Variants in BRCA1 observed in about 807,000 individuals in gnomAD.
BRCA1 encodes BRCA1 DNA repair associated, also known as breast cancer type 1 susceptibility protein.
In BRCA1, 140 loss-of-function variants were observed where a neutral mutation model predicts 173.7. The ratio of observed to expected loss-of-function variants is 0.81; its 90% CI spans 0.70 to 0.93. The LOEUF (loss-of-function observed/expected upper bound fraction) is 0.93. Among genes scored for constraint, BRCA1 ranks in the 40% least tolerant of loss-of-function variants. The pLI, the probability that BRCA1 is intolerant of heterozygous loss-of-function variation, is 0.00. For missense variants in BRCA1, 1,983 were observed against 2,172.5 expected, an observed-to-expected ratio of 0.91 and a Z score of 1.73; for synonymous variants, 662 against 756.0, an observed-to-expected ratio of 0.88 and a Z score of 2.04.
chr17:43,056,676 A>G (rs1157299360), intron 19 of BRCA1, among the ~76,000 whole-genome samples: 1 of 126,416 alleles, frequency 7.9e-6, no homozygotes, highest in Non-Finnish European at 1.8e-5. Flanking sequence ...CCGTCTTGGG[A>G]AAAAAAAAAA....
chr17:43,091,923 C>T lies in BRCA1; in HGVS notation c.3608G>A (p.Arg1203Gln), dbSNP rs55930959. 107 of 1,614,022 alleles carry T rather than the reference C, an allele frequency of 6.6e-5. No homozygotes were observed. Among genetic ancestry groups the T allele is most frequent in the Non-Finnish European group, 7.3e-5 (86 of 1,180,026 alleles). Reference sequence around the variant, plus strand: ...GGACTCTAATTTCTTGGCCCCTCTTCGGTAACCCTGAGCCAAATGTGTATG... The same window carrying T: ...GGACTCTAATTTCTTGGCCCCTCTTTGGTAACCCTGAGCCAAATGTGTATG... ...FTHTHLAQGY[R>Q]RGAKKLESSE... The change falls in exon 10 of 23, where the codon CGA (arginine) becomes CAA (glutamine). Residue 1203 changes from arginine (R) to glutamine (Q), a missense_variant. By Grantham distance (43) the Arg-to-Gln change is conservative (BLOSUM62 1). Coordinates refer to ENST00000357654, the MANE Select transcript of BRCA1 (RefSeq NM_007294.4).
intron 3 of BRCA1, among the ~76,000 whole-genome samples, chr17:43,106,777 TATG>T (rs2054810709): frequency 6.6e-6 from 1 of 152,212 alleles, no homozygotes; most frequent in African/African-American, 2.4e-5. Flanking sequence ...GGCTTACTGT[TATG>T]ATCACATAAA....
At chr17:43,067,273 T>TTTTA in intron 16 of BRCA1, 6 of 176,734 alleles carry the variant, frequency 3.4e-5, no homozygotes, top group South Asian at 1.4e-4. Flanking sequence ...TTTTTTTTTT[T>TTTTA]GAGACGGAGC....
At chr17:43,058,833 T>C (rs2051622529) in intron 18 of BRCA1, among the ~76,000 whole-genome samples, 1 of 152,302 alleles carries the variant, frequency 6.6e-6, no homozygotes, top group African/African-American at 2.4e-5. Flanking sequence ...TAATTACTAT[T>C]ATGACTGGTC....
chr17:43,052,286 C>CT (rs1304976929), intron 19 of BRCA1, among the ~76,000 whole-genome samples: 16 of 151,282 alleles, frequency 1.1e-4, no homozygotes, highest in Admixed American at 2.0e-4. Flanking sequence ...TAATTTTTTT[C>CT]TTTTTTTTTG....
chr17:43,100,622 TATATATATGTTATATATATATAAC>T (rs2054377321), intron 6 of BRCA1, among the ~76,000 whole-genome samples: 19 of 6,772 alleles, frequency 2.8e-3, no homozygotes, highest in Non-Finnish European at 0.01. Flanking sequence ...ATATATAACA[TATATATATGTTATATATATATAAC>T]ATATATATAA....
rs1376880906 is a variant in BRCA1, at chr17:43,142,898, C to A, written c.-19-18783G>T. Among the ~76,000 whole-genome samples, 3 of 150,856 alleles carry A rather than the reference C, an allele frequency of 2.0e-5. 1 individual carries two copies. On this transcript the variant is annotated intron_variant, in intron 1 of 7. Coordinates refer to the BRCA1 transcript ENST00000634433. The stretch of plus-strand genomic sequence containing the variant: ...AGCTGGGATTACAGGCATGTGCCAC[C>A]ATGCCCGGCTAATTTTTGTGTGTGT...
chr17:43,091,398 A>G (rs2154263629), intron 10 of BRCA1, 37 bp downstream of exon 10: 2 of 1,611,954 alleles, frequency 1.2e-6, no homozygotes, highest in Non-Finnish European at 1.7e-6. Flanking sequence ...ACTTCTATAA[A>G]TAGACTGGGG....
At chr17:43,147,471 G>A (rs886505024) in intron 1 of BRCA1, among the ~76,000 whole-genome samples, 1 of 152,132 alleles carries the variant, frequency 6.6e-6, no homozygotes, top group Non-Finnish European at 1.5e-5. Flanking sequence ...TTACAGGCGT[G>A]AGCCACCGTG....
At chr17:43,161,255 G>A (rs530434349) in intron 1 of BRCA1, 1 of 152,324 alleles carries the variant, frequency 6.6e-6, no homozygotes, top group African/African-American at 2.4e-5. Flanking sequence ...AAGACAGCTT[G>A]TAACCGTATG....
At chr17:43,071,323 C>G in intron 14 of BRCA1, 85 bp from the exon 15 acceptor site, 1 of 1,486,880 alleles carries the variant, frequency 6.7e-7, no homozygotes, top group Non-Finnish European at 9.3e-7. Context: ...TTAAAAAGAC[C>G]AATAAAGTTA....
intron 20 of BRCA1, among the ~76,000 whole-genome samples, chr17:43,049,627 A>C (rs2051121999): frequency 6.6e-6 from 1 of 152,216 alleles, no homozygotes; most frequent in South Asian, 2.1e-4. Flanking sequence ...GGTGGTAATT[A>C]CTGTAAATGT....
intron 3 of BRCA1, among the ~76,000 whole-genome samples, chr17:43,114,931 A>C (rs548363680): frequency 2.6e-5 from 4 of 152,342 alleles, no homozygotes; most frequent in African/African-American, 9.6e-5. Context: ...AGACAAGATC[A>C]TCAAATACGT....
chr17:43,048,213 T>C (rs558287061), intron 21 of BRCA1, among the ~76,000 whole-genome samples: 2 of 151,916 alleles, frequency 1.3e-5, no homozygotes, highest in East Asian at 1.9e-4. Flanking sequence ...CTCTCTCTCT[T>C]TTTTTTTGAG....
chr17:43,091,903 C>CT lies in BRCA1; in HGVS notation c.3627dup (p.Glu1210ArgfsTer9), dbSNP rs80357729. The CT allele has an allele frequency of 3.1e-6, 5 of 1,614,148 alleles. No individual in the cohort carries two copies. The highest frequency in any genetic ancestry group is 4.5e-5 in the East Asian group (2 of 44,888). On this transcript the variant is annotated frameshift_variant, in exon 10 of 23. Coordinates refer to ENST00000357654, the MANE Select transcript of BRCA1 (RefSeq NM_007294.4). LOFTEE classifies it high-confidence loss of function. ...CTAGATAAGTTCTCTTCTGAGGACT[C>CT]TAATTTCTTGGCCCCTCTTCGGTAA...
At chr17:43,100,004 T>C in intron 6 of BRCA1, 124 bp from the exon 7 acceptor site, 2 of 808,118 alleles carry the variant, frequency 2.5e-6, no homozygotes, top group Admixed American at 1.8e-5. Context: ...ACATGTATGA[T>C]GCCTGGAAAA....
Position 43,142,992 on chromosome 17 carries a change from G to GTGTGTA in BRCA1, c.-19-18878_-19-18877insTACACA, listed in dbSNP as rs1555603711. On this transcript the variant is annotated intron_variant, in intron 1 of 7. Transcript: ENST00000634433. ...TATATATATGTGTGTATATATATAT[G>GTGTGTA]TATATATGTATATATGTGTGCATAT... is the stretch of plus-strand genomic sequence containing the variant. Among the ~76,000 whole-genome samples the GTGTGTA allele has an allele frequency of 1.2e-3, 169 of 146,080 alleles. 2 individuals carry two copies. Among genetic ancestry groups the GTGTGTA allele is most frequent in the Non-Finnish European group, 2.3e-3 (151 of 66,832 alleles).
chr17:43,082,550 A>G lies in BRCA1; in HGVS notation c.4211T>C (p.Leu1404Pro), dbSNP rs80356916. Residue 1404 changes from leucine (L) to proline (P), a missense_variant, in exon 12 of 23, where the codon CTG (leucine) becomes CCG (proline). Physicochemically the swap from Leu to Pro is moderately conservative, Grantham distance 98. Coordinates refer to ENST00000357654, the MANE Select transcript of BRCA1 (RefSeq NM_007294.4). ...AGCCATTTCCTGCTGGAGCTTTATC[A>G]GGTTATGTTGCATGGTATCCCTCTG... Reference protein sequence around the residue: ...TQQRDTMQHNLIKLQQEMAEL... With the variant: ...TQQRDTMQHNPIKLQQEMAEL... The G allele has an allele frequency of 6.2e-7, 1 of 1,614,202 alleles. No homozygotes were observed. Among genetic ancestry groups the G allele is most frequent in the Non-Finnish European group, 8.5e-7 (1 of 1,180,026 alleles).
In BRCA1 at chr17:43,124,029, T is replaced by G. The variant is rs1597923307; in HGVS notation, c.68A>C (p.Glu23Ala). The change falls in exon 2 of 23, where the codon GAG becomes GCG. Residue 23 changes from glutamate to alanine, a missense_variant. Physicochemically the swap from Glu to Ala is moderately radical, Grantham distance 107. Coordinates refer to ENST00000357654, the MANE Select transcript of BRCA1 (RefSeq NM_007294.4). ...TGTGCTGACTTACCAGATGGGACAC[T>G]CTAAGATTTTCTGCATAGCATTAAT... ...NVINAMQKILECPICLELIKE... is the reference protein window; with the variant it reads ...NVINAMQKILACPICLELIKE... The G allele has an allele frequency of 6.2e-7, 1 of 1,612,440 alleles. No individual in the cohort carries two copies. The highest frequency in any genetic ancestry group is 8.5e-7 in the Non-Finnish European group (1 of 1,178,782).
Sources: allele counts gnomAD v4.1 joint callset (sites outside exome capture counted in the v4.1 genomes callset), GRCh38; gene constraint gnomAD v4.1.1; transcripts MANE v1.5; gene names NCBI Gene and HGNC (gene_info 2026-07-23, HGNC 2026-07-21).